The following AKR7A2 variants were observed in gnomAD, a reference collection of about 807,000 sequenced individuals.
AKR7A2 encodes aldo-keto reductase family 7 member A2, also known as aflatoxin B1 aldehyde reductase member 2.
AKR7A2 carries 29 observed loss-of-function variants against 37.3 expected under a neutral mutation model. The observed-to-expected ratio is 0.78, with a 90% CI of 0.58 to 1.06. AKR7A2 has a LOEUF of 1.06. Among genes scored for constraint, AKR7A2 ranks in the 50% least tolerant of loss-of-function variants. The probability of loss-of-function intolerance (pLI) is 0.00; values close to 1 mark genes in which losing one functional copy is unlikely to be tolerated. For synonymous variants in AKR7A2, 228 were observed against 217.8 expected, an observed-to-expected ratio of 1.05 and a Z score of -0.41; for missense variants, 529 against 497.9, an observed-to-expected ratio of 1.06 and a Z score of -0.59.
intron 1 of AKR7A2, 40 bp from the exon 2 acceptor site, chr1:19,308,682 C>T: frequency 6.3e-7 from 1 of 1,591,142 alleles, no homozygotes; most frequent in East Asian, 2.2e-5. Flanking sequence ...CCTATTAGAG[C>T]CATTTGCTAA....
At chr1:19,303,367 T>C (rs1005146402), downstream of AKR7A2, among the ~76,000 whole-genome samples, 7 of 152,160 alleles carry the variant, frequency 4.6e-5, no homozygotes, top group Admixed American at 6.5e-5. Context: ...GCCCTGCCCA[T>C]GGCTGGAGGG....
chr1:19,303,968 T>C lies in AKR7A2; in HGVS notation c.*257A>G. 3.6e-6 allele frequency: 2 copies of C among 559,624 alleles called. No individual in the cohort carries two copies. Among genetic ancestry groups the C allele is most frequent in the East Asian group, 3.3e-5 (1 of 29,894 alleles). The allele number at this position is 559,624 out of a possible 1,614,324, so 34.7% of individuals were successfully genotyped here. A position where few individuals can be genotyped will look rare whatever the true frequency, so the allele number is the denominator to read the frequency against. ...TGTTAACAGCAGAGAAAGCAAGTTT[T>C]TGGGGTTCACTCAAGACCTAGGCTA... On this transcript the variant is annotated 3_prime_UTR_variant, in exon 7 of 7. Coordinates refer to ENST00000235835, the MANE Select transcript of AKR7A2 (RefSeq NM_003689.4).
rs2151988272 is a variant in AKR7A2, at chr1:19,306,101, C to A, written c.835G>T (p.Ala279Ser). ...CTGGCGCCATATGCGGCCTGCAGGG[C>A]CTTCTCCACCAACGCAATGGCCTCG... ...HFEAIALVEK[A>S]LQAAYGASAP... Residue 279 changes from alanine to serine, a missense_variant, in exon 6 of 7, where the codon GCC (alanine) becomes TCC (serine). Transcript: ENST00000235835. 6.2e-7 allele frequency: 1 copy of A among 1,614,194 alleles called. No homozygotes were observed. The highest frequency in any genetic ancestry group is 2.2e-5 in the East Asian group (1 of 44,888).
chr1:19,307,205 G>A (rs1196242284), intron 4 of AKR7A2, 104 bp from the exon 5 acceptor site: 8 of 1,595,214 alleles, frequency 5.0e-6, no homozygotes, highest in Admixed American at 3.3e-5. Flanking sequence ...AGGAGGGGCT[G>A]AAGAACACAG....
intron 3 of AKR7A2, 155 bp downstream of exon 3, chr1:19,308,003 G>C (rs1270772862): frequency 2.1e-6 from 2 of 959,174 alleles, no homozygotes; most frequent in Non-Finnish European, 3.3e-6. Context: ...TGAGGAGCTT[G>C]AATGGCATCC....
In AKR7A2 at chr1:19,304,085, G is replaced by A; in HGVS notation, c.*140C>T. On this transcript the variant is annotated 3_prime_UTR_variant, in exon 7 of 7. Coordinates refer to ENST00000235835, the MANE Select transcript of AKR7A2 (RefSeq NM_003689.4). The stretch of plus-strand genomic sequence containing the variant: ...ACAGTGTAAAGTGAATAGGGAGCAA[G>A]GCAGGAAGCTAGAAAAATAATGCAT... 1 of 1,387,126 alleles carries A rather than the reference G, an allele frequency of 7.2e-7. No homozygotes were observed. The highest frequency in any genetic ancestry group is 1.0e-6 in the Non-Finnish European group (1 of 990,436). The allele number at this position is 1,387,126 out of a possible 1,614,324, so 85.9% of individuals were successfully genotyped here.
Position 19,306,102 on chromosome 1 carries a change from C to A in AKR7A2, c.834G>T (p.Lys278Asn), listed in dbSNP as rs755452709. 20 of 1,614,186 alleles carry A rather than the reference C, an allele frequency of 1.2e-5. No homozygotes were observed. Among genetic ancestry groups the A allele is most frequent in the Non-Finnish European group, 1.7e-5 (20 of 1,180,002 alleles). The change falls in exon 6 of 7, where the codon AAG becomes AAT. Residue 278 changes from lysine to asparagine, a missense_variant. Transcript: ENST00000235835. The part of the protein sequence containing the change: ...HHFEAIALVE[K>N]ALQAAYGASA... ...TGGCGCCATATGCGGCCTGCAGGGC[C>A]TTCTCCACCAACGCAATGGCCTCGA...
chr1:19,311,872 T>C lies in AKR7A2; in HGVS notation c.253A>G (p.Ile85Val), dbSNP rs1344750980. ...FMYSDGQSET[I>V]LGGLGLGLGG... ...AGCCCGAGCCCCAGGCCGCCCAGGA[T>C]GGTCTCGGACTGGCCGTCGCTGTAC... The change falls in exon 1 of 7, where the codon ATC (isoleucine) becomes GTC (valine). Residue 85 changes from isoleucine (I) to valine (V), a missense_variant. Transcript: ENST00000235835. 3 of 1,610,766 alleles carry C rather than the reference T, an allele frequency of 1.9e-6. No homozygotes were observed. Among genetic ancestry groups the C allele is most frequent in the Non-Finnish European group, 1.7e-6 (2 of 1,179,566 alleles).
At chr1:19,304,580 G>A (rs1179087936) in intron 6 of AKR7A2, among the ~76,000 whole-genome samples, 194 bp from the exon 7 acceptor site, 4 of 151,998 alleles carry the variant, frequency 2.6e-5, no homozygotes, top group East Asian at 1.9e-4. Context: ...CCCTACTGCC[G>A]CACGACGCTT....
chr1:19,308,677 T>C (rs1271568570), intron 1 of AKR7A2, 35 bp from the exon 2 acceptor site: 1 of 1,597,834 alleles, frequency 6.3e-7, no homozygotes, highest in Non-Finnish European at 8.6e-7. Context: ...AGTGACCTAT[T>C]AGAGCCATTT....
rs2093778037 is a variant in AKR7A2 at position 19,312,046 on chromosome 1, C to T, written c.79G>A (p.Ala27Thr). 3 of 1,385,428 alleles carry T rather than the reference C, an allele frequency of 2.2e-6. No individual in the cohort carries two copies. The highest frequency in any genetic ancestry group is 2.8e-6 in the Non-Finnish European group (3 of 1,077,204). 85.8% of individuals were successfully genotyped at this position (1,385,428 alleles called of 1,614,324 possible). Residue 27 changes from alanine to threonine, a missense_variant, in exon 1 of 7, where the codon GCG becomes ACG. Physicochemically the swap from Ala to Thr is moderately conservative, Grantham distance 58. Transcript: ENST00000235835. ...GGCGGTGGCCGGGACATGGCGAGCGCGCGGGCCTCGGGCGGCGGAGAGCGA... is the reference window on the plus strand; with the variant it reads ...GGCGGTGGCCGGGACATGGCGAGCGTGCGGGCCTCGGGCGGCGGAGAGCGA... The part of the protein sequence containing the change: ...ALRSPPPEAR[A>T]LAMSRPPPPR...
At chr1:19,308,912 G>T (rs543695122) in intron 1 of AKR7A2, among the ~76,000 whole-genome samples, 1 of 152,328 alleles carries the variant, frequency 6.6e-6, no homozygotes, top group South Asian at 2.1e-4. Context: ...ATGCAGAGAT[G>T]AACTGAACAC....
At position 19,311,891 on chromosome 1, in the gene AKR7A2, G is replaced by A. The variant is rs1345217237; in HGVS notation, c.234C>T (p.Ser78=). ...CCAGGATGGTCTCGGACTGGCCGTC[G>A]CTGTACATGAAGGCCGTGTCCAGTT... is the stretch of plus-strand genomic sequence containing the variant. The part of the protein sequence containing the change: ...HTELDTAFMY[S]DGQSETILGG... Residue 78 remains serine, a synonymous_variant, in exon 1 of 7, where the codon AGC becomes AGT. Transcript: ENST00000235835. The A allele has an allele frequency of 7.5e-6, 12 of 1,610,626 alleles. No individual in the cohort carries two copies. In the Admixed American group the frequency reaches 1.0e-4, roughly 13 times the overall value.
Position 19,306,179 on chromosome 1 carries a change from GT to G in AKR7A2, c.789-33del. On this transcript the variant is annotated intron_variant, in intron 5 of 6. Transcript: ENST00000235835. Reference sequence around the variant, plus strand: ...AGAGGGGATGTTAGCACAGGGGTCAGTACCATGGGGGTCACACTGGGAGCCG... The same window carrying G: ...AGAGGGGATGTTAGCACAGGGGTCAGACCATGGGGGTCACACTGGGAGCCG... 5 of 1,614,074 alleles carry G rather than the reference GT, an allele frequency of 3.1e-6. 1 individual carries two copies. In the South Asian group the frequency reaches 5.5e-5, roughly 18 times the overall value.
chr1:19,311,702 TG>T, intron 1 of AKR7A2, 124 bp downstream of exon 1: 1 of 1,233,900 alleles, frequency 8.1e-7, no homozygotes. Flanking sequence ...GGGGTGGACC[TG>T]GGGTGGGGAG....
At position 19,304,196 on chromosome 1, in the gene AKR7A2, A is replaced by T; in HGVS notation, c.*29T>A. 6.2e-7 allele frequency: 1 copy of T among 1,614,186 alleles called. No individual in the cohort carries two copies. The highest frequency in any genetic ancestry group is 8.5e-7 in the Non-Finnish European group (1 of 1,180,032). The stretch of plus-strand genomic sequence containing the variant: ...GAGAGAACAAAAGAGGTGACAGAAA[A>T]GCCTTGGGCAGCCTGAGCCATGATG... On this transcript the variant is annotated 3_prime_UTR_variant, in exon 7 of 7. Transcript: ENST00000235835.
chr1:19,306,233 C>T, intron 5 of AKR7A2, 86 bp from the exon 6 acceptor site: 1 of 1,581,150 alleles, frequency 6.3e-7, no homozygotes, highest in Non-Finnish European at 8.7e-7. Context: ...AGGACCACTG[C>T]CCCACCCCAC....
rs527279962 is a variant in AKR7A2 at position 19,307,925 on chromosome 1, G to T, written c.591+233C>A. ...TGTGTTCCAGGCTGAAGTATGAAAG[G>T]AGGTGGGGAAGGAAGGGTCCAAGGT... On this transcript the variant is annotated intron_variant, in intron 3 of 6. Transcript: ENST00000235835. 1.2e-3 allele frequency: 740 copies of T among 617,354 alleles called. 3 individuals are homozygous for T. The highest frequency in any genetic ancestry group is 1.8e-3 in the Non-Finnish European group (620 of 344,868). 38.2% of individuals were successfully genotyped at this position (617,354 alleles called of 1,614,324 possible). A position where few individuals can be genotyped will look rare whatever the true frequency, so the allele number is the denominator to read the frequency against.
chr1:19,308,151 C>T lies in AKR7A2; in HGVS notation c.591+7G>A. ...GAGACCTTGGCCTCTGCAGCCCCGG[C>T]CCTCACCTGGTACACAGTGGGCAGG... On this transcript the variant is annotated splice_region_variant and intron_variant, in intron 3 of 6. Coordinates refer to ENST00000235835, the MANE Select transcript of AKR7A2 (RefSeq NM_003689.4). The T allele has an allele frequency of 6.2e-7, 1 of 1,613,866 alleles. No individual in the cohort carries two copies. Among genetic ancestry groups the T allele is most frequent in the Admixed American group, 1.7e-5 (1 of 59,996 alleles).
Sources: gnomAD v4.1 joint callset for allele counts (sites outside exome capture counted in the v4.1 genomes callset) on GRCh38, gnomAD v4.1.1 for gene constraint, MANE v1.5 for transcripts, NCBI Gene and HGNC (gene_info 2026-07-23, HGNC 2026-07-21) for gene names.